Variants in SLC25A43 observed in about 807,000 individuals in gnomAD.
The protein encoded by SLC25A43 is solute carrier family 25 member 43.
Under a neutral mutation model 22.8 loss-of-function variants are expected in SLC25A43, and 10 were observed. The ratio of observed to expected loss-of-function variants is 0.44; its 90% CI spans 0.27 to 0.74. The LOEUF is 0.74. Ranked by LOEUF, SLC25A43 falls within the 30% of genes least tolerant of loss-of-function variation. The probability of loss-of-function intolerance (pLI) is 0.17; values close to 1 mark genes in which losing one functional copy is unlikely to be tolerated. For synonymous variants in SLC25A43, 106 were observed against 121.6 expected (o/e 0.87, Z 0.84); for missense variants, 233 against 279.1 (o/e 0.83, Z 1.18).
intron 1 of SLC25A43, among the ~76,000 whole-genome samples, chrX:119,404,405 A>T (rs2147251529): frequency 9.0e-6 from 1 of 111,667 alleles, no homozygotes; most frequent in South Asian, 3.8e-4. Context: ...TCAGGGAAAT[A>T]GTTAATGTTT....
At chrX:119,431,535 AAAAGAAAGAGGAAAAAAAAG>A (rs1412637984) in intron 3 of SLC25A43, among the ~76,000 whole-genome samples, 1 of 110,905 alleles carries the variant, frequency 9.0e-6, no homozygotes, top group Non-Finnish European at 1.9e-5. Flanking sequence ...AAAAGAAAAG[AAAAGAAAGAGGAAAAAAAAG>A]AAAGAAAGAA....
intron 3 of SLC25A43, among the ~76,000 whole-genome samples, chrX:119,412,103 C>T (rs943025837): frequency 9.0e-6 from 1 of 111,049 alleles, no homozygotes; most frequent in African/African-American, 3.3e-5. Flanking sequence ...TCCCGCTTTC[C>T]CTCTGTAGTA....
In SLC25A43 at chrX:119,406,654, A is replaced by G. The variant is rs2052299243; in HGVS notation, c.470A>G (p.Gln157Arg). The G allele has an allele frequency of 8.3e-7, 1 of 1,210,714 alleles. No individual in the cohort carries two copies. Among genetic ancestry groups the G allele is most frequent in the Non-Finnish European group, 1.1e-6 (1 of 895,300 alleles). Reference protein sequence around the residue: ...LLHAFSTIYQQEGFLALYRGV... With the variant: ...LLHAFSTIYQREGFLALYRGV... ...CATGCTTTTTCTACTATTTACCAAC[A>G]GGAAGGGTTCCTTGCCCTTTATCGA... The change falls in exon 2 of 5, where the codon CAG becomes CGG. Residue 157 changes from glutamine to arginine, a missense_variant. Coordinates refer to ENST00000217909, the MANE Select transcript of SLC25A43 (RefSeq NM_145305.3).
At chrX:119,452,252 A>T in intron 4 of SLC25A43, 109 bp downstream of exon 4, 1 of 903,158 alleles carries the variant, frequency 1.1e-6, no homozygotes. Flanking sequence ...CCCCTCTAGC[A>T]CTAATGGGTA....
chrX:119,432,055 G>A (rs1350215006), intron 3 of SLC25A43, among the ~76,000 whole-genome samples: 1 of 108,764 alleles, frequency 9.2e-6, no homozygotes, highest in Non-Finnish European at 1.9e-5. Flanking sequence ...GGGAGGCTGA[G>A]GCAGGAGAAT....
intron 2 of SLC25A43, among the ~76,000 whole-genome samples, chrX:119,409,250 G>A (rs1435291963): frequency 2.8e-5 from 3 of 108,099 alleles, no homozygotes; most frequent in Non-Finnish European, 3.8e-5. Flanking sequence ...GTGCAATCTC[G>A]GCTCACTGCA....
chrX:119,416,007 C>CAAAAAAAAA (rs34024967), intron 3 of SLC25A43, among the ~76,000 whole-genome samples: 1 of 50,422 alleles, frequency 2.0e-5, no homozygotes, highest in African/African-American at 8.0e-5. Context: ...GACCCTATCT[C>CAAAAAAAAA]AAAAAAAAAA....
intron 3 of SLC25A43, among the ~76,000 whole-genome samples, chrX:119,427,477 A>G (rs767721118): frequency 7.8e-4 from 87 of 112,087 alleles, no homozygotes; most frequent in African/African-American, 2.4e-3. Context: ...ACTCGTACCA[A>G]TGTCCCCGCT....
At chrX:119,400,274 C>T (rs888955740) in intron 1 of SLC25A43, among the ~76,000 whole-genome samples, 2 of 110,739 alleles carry the variant, frequency 1.8e-5, no homozygotes, top group Admixed American at 1.9e-4. Flanking sequence ...GAGAACGGCC[C>T]CCTCAGCCTA....
chrX:119,452,878 T>C lies in SLC25A43; in HGVS notation c.839T>C (p.Phe280Ser). 8.3e-7 allele frequency: 1 copy of C among 1,206,705 alleles called. No homozygotes were observed. The highest frequency in any genetic ancestry group is 1.1e-6 in the Non-Finnish European group (1 of 892,692). Reference protein sequence around the residue: ...TANLLKIVPYFGIMFSTFEFC... With the variant: ...TANLLKIVPYSGIMFSTFEFC... ...TGGTTTTAACAGATAGTTCCATATT[T>C]TGGAATTATGTTTAGCACCTTTGAG... The change falls in exon 5 of 5, where the codon TTT (phenylalanine) becomes TCT (serine). Residue 280 changes from phenylalanine to serine, a missense_variant. By Grantham distance (155) the Phe-to-Ser change is radical (BLOSUM62 -2). Coordinates refer to ENST00000217909, the MANE Select transcript of SLC25A43 (RefSeq NM_145305.3).
At position 119,414,527 on chromosome X, in the gene SLC25A43, A is replaced by C. The variant is rs182095716; in HGVS notation, c.690+4165A>C. On this transcript the variant is annotated intron_variant, in intron 3 of 4. Coordinates refer to ENST00000217909, the MANE Select transcript of SLC25A43 (RefSeq NM_145305.3). ...CAGGCACCTGCCACCATGCCTGGCT[A>C]ATTTTTGTATTTTTGATAGAGACAC... is the stretch of plus-strand genomic sequence containing the variant. 1.0e-4 allele frequency among the ~76,000 whole-genome samples: 11 copies of C among 109,868 alleles called. No homozygotes were observed. In the South Asian group the frequency reaches 2.0e-3, roughly 20 times the overall value.
At chrX:119,446,962 CTT>C (rs746323068) in intron 3 of SLC25A43, among the ~76,000 whole-genome samples, 48 of 110,542 alleles carry the variant, frequency 4.3e-4, no homozygotes, top group African/African-American at 1.5e-3. Flanking sequence ...TTCCCATTCT[CTT>C]TTTTTTTGAG....
At chrX:119,409,769 C>G (rs2052333434) in intron 2 of SLC25A43, among the ~76,000 whole-genome samples, 1 of 110,139 alleles carries the variant, frequency 9.1e-6, no homozygotes, top group Non-Finnish European at 1.9e-5. Flanking sequence ...GTGCCCAACG[C>G]CACACCCAGT....
chrX:119,451,793 C>T lies in SLC25A43; in HGVS notation c.691-216C>T, dbSNP rs1246471195. 9.9e-6 allele frequency: 10 copies of T among 1,013,594 alleles called. No homozygotes were observed. In the Admixed American group the frequency reaches 1.8e-4, roughly 18 times the overall value. The allele number at this position is 1,013,594 out of a possible 1,213,427, so 83.5% of individuals were successfully genotyped here. A position where few individuals can be genotyped will look rare whatever the true frequency, so the allele number is the denominator to read the frequency against. ...TCTGCTTCCTTCCAGGCAAAATAAA[C>T]GACAAATATATGGACAGGGTATCAT... is the stretch of plus-strand genomic sequence containing the variant. On this transcript the variant is annotated intron_variant, in intron 3 of 4. Coordinates refer to ENST00000217909, the MANE Select transcript of SLC25A43 (RefSeq NM_145305.3).
At chrX:119,414,498 A>C (rs2052381473) in intron 3 of SLC25A43, among the ~76,000 whole-genome samples, 1 of 109,980 alleles carries the variant, frequency 9.1e-6, no homozygotes, top group Admixed American at 9.7e-5. Flanking sequence ...AGTAGCTGGG[A>C]TTACAGGCAC....
chrX:119,445,787 G>A (rs1056794055), intron 3 of SLC25A43, among the ~76,000 whole-genome samples: 6 of 111,183 alleles, frequency 5.4e-5, no homozygotes, highest in South Asian at 3.8e-4. Flanking sequence ...AGGGATCTGC[G>A]TTATCAGAGT....
Position 119,410,347 on chromosome X carries a change from G to A in SLC25A43, c.675G>A (p.Val225=). ...TQTLSFPFET[V]KRKMQAQSPY... ...CCCTCTCCTTTCCCTTTGAGACCGT[G>A]AAGAGAAAGATGCAGGTGAGGAGTT... Residue 225 remains valine, a synonymous_variant, in exon 3 of 5, where the codon GTG becomes GTA. Coordinates refer to ENST00000217909, the MANE Select transcript of SLC25A43 (RefSeq NM_145305.3). 1 of 1,211,498 alleles carries A rather than the reference G, an allele frequency of 8.3e-7. No homozygotes were observed. The highest frequency in any genetic ancestry group is 1.8e-5 in the South Asian group (1 of 56,943).
chrX:119,430,264 T>C (rs111895803), intron 3 of SLC25A43, among the ~76,000 whole-genome samples: 2,590 of 112,795 alleles, frequency 0.023, 63 homozygotes, highest in African/African-American at 0.074. Flanking sequence ...TAAATAATAA[T>C]AACAATGGTG....
rs1044045488 is a variant in SLC25A43, at chrX:119,453,220, C to G, written c.*155C>G. 13 of 473,071 alleles carry G rather than the reference C, an allele frequency of 2.7e-5. No homozygotes were observed. Among genetic ancestry groups the G allele is most frequent in the Non-Finnish European group, 4.7e-5 (13 of 275,424 alleles). The allele number at this position is 473,071 out of a possible 1,213,427, so 39.0% of individuals were successfully genotyped here. ...TTGGCCATGCACCACCTCAGATCTCCAAACTGATGTCCCTGTGAACACCTG... is the reference window on the plus strand; with the variant it reads ...TTGGCCATGCACCACCTCAGATCTCGAAACTGATGTCCCTGTGAACACCTG... On this transcript the variant is annotated 3_prime_UTR_variant, in exon 5 of 5. Coordinates refer to ENST00000217909, the MANE Select transcript of SLC25A43 (RefSeq NM_145305.3).
Sources: gnomAD v4.1 joint callset for allele counts (sites outside exome capture counted in the v4.1 genomes callset) on GRCh38, gnomAD v4.1.1 for gene constraint, MANE v1.5 for transcripts, NCBI Gene and HGNC (gene_info 2026-07-23, HGNC 2026-07-21) for gene names.